The following TEK variants were observed in gnomAD, a reference collection of about 807,000 sequenced individuals.
TEK encodes the protein angiopoietin-1 receptor.
Under a neutral mutation model 131.8 loss-of-function variants are expected in TEK, and 43 were observed. The observed-to-expected ratio is 0.33, with a 90% CI of 0.26 to 0.42. TEK has a LOEUF of 0.42. Among genes scored for constraint, TEK ranks in the 10% least tolerant of loss-of-function variants. The probability of loss-of-function intolerance (pLI) is 1.00; values close to 1 mark genes in which losing one functional copy is unlikely to be tolerated. For synonymous variants in TEK, 580 were observed against 491.6 expected (o/e 1.18, Z -2.38); for missense variants, 1,162 against 1,384.4 (o/e 0.84, Z 2.55).
chr9:27,119,346 G>C (rs1821694017), intron 1 of TEK, among the ~76,000 whole-genome samples: 1 of 152,176 alleles, frequency 6.6e-6, no homozygotes, highest in African/African-American at 2.4e-5. Flanking sequence ...AAAATACTTA[G>C]AACAGTGCCG....
At chr9:27,136,932 T>G (rs1795863591) in intron 1 of TEK, among the ~76,000 whole-genome samples, 1 of 152,192 alleles carries the variant, frequency 6.6e-6, no homozygotes, top group Non-Finnish European at 1.5e-5. Flanking sequence ...TTTATTTATT[T>G]TTGAAATGGA....
intron 4 of TEK, among the ~76,000 whole-genome samples, chr9:27,170,758 T>G (rs76198925): frequency 1.5e-4 from 23 of 152,274 alleles, no homozygotes; most frequent in African/African-American, 5.3e-4. Context: ...AATGTTTCTT[T>G]CACTTCCAAA....
intron 1 of TEK, among the ~76,000 whole-genome samples, chr9:27,136,258 T>C (rs1822431065): frequency 6.6e-6 from 1 of 151,982 alleles, no homozygotes; most frequent in Non-Finnish European, 1.5e-5. Context: ...ATGTTTGTAT[T>C]TATAATAGAG....
intron 18 of TEK, among the ~76,000 whole-genome samples, chr9:27,213,894 T>C (rs1825722160): frequency 1.3e-5 from 2 of 152,192 alleles, no homozygotes; most frequent in East Asian, 3.9e-4. Context: ...GGCATCTCAC[T>C]CAGGAACCTC....
chr9:27,181,612 A>C (rs2131166453), intron 7 of TEK, among the ~76,000 whole-genome samples: 1 of 152,294 alleles, frequency 6.6e-6, no homozygotes, highest in South Asian at 2.1e-4. Flanking sequence ...TGTTATTATA[A>C]AGAAAAAAAT....
At chr9:27,169,790 G>C (rs1823880920) in intron 4 of TEK, among the ~76,000 whole-genome samples, 161 bp downstream of exon 4, 1 of 152,252 alleles carries the variant, frequency 6.6e-6, no homozygotes, top group Non-Finnish European at 1.5e-5. Context: ...AAATGAATAA[G>C]AGATAGCAAT....
At chr9:27,197,212 T>C in intron 11 of TEK, 103 bp from the exon 12 acceptor site, 1 of 1,325,144 alleles carries the variant, frequency 7.5e-7, no homozygotes, top group Non-Finnish European at 1.1e-6. Context: ...AGGCCCCACC[T>C]CCAACACTGG....
intron 2 of TEK, among the ~76,000 whole-genome samples, chr9:27,164,909 G>A (rs767896449): frequency 4.6e-5 from 7 of 152,118 alleles, no homozygotes; most frequent in South Asian, 2.1e-4. Context: ...GGTATTTATC[G>A]TTTTTATGGC....
chr9:27,223,796 G>A (rs1283744271), intron 21 of TEK, among the ~76,000 whole-genome samples: 3 of 152,068 alleles, frequency 2.0e-5, no homozygotes, highest in Non-Finnish European at 2.9e-5. Context: ...ACAGGGACAT[G>A]AAAAACCCTT....
At chr9:27,120,614 A>G (rs1821749769) in intron 1 of TEK, among the ~76,000 whole-genome samples, 1 of 152,272 alleles carries the variant, frequency 6.6e-6, no homozygotes, top group Non-Finnish European at 1.5e-5. Flanking sequence ...TTATGAAATG[A>G]GACTTAGAAC....
chr9:27,113,150 C>G (rs917130772), intron 1 of TEK, among the ~76,000 whole-genome samples: 2 of 152,220 alleles, frequency 1.3e-5, no homozygotes, highest in African/African-American at 4.8e-5. Context: ...CAAAGCCCAA[C>G]TTGGATAACC....
chr9:27,117,355 T>G (rs1222810094), intron 1 of TEK, among the ~76,000 whole-genome samples: 1 of 152,196 alleles, frequency 6.6e-6, no homozygotes, highest in African/African-American at 2.4e-5. Flanking sequence ...TGTCTAAAGT[T>G]GCCTCCCTTA....
intron 1 of TEK, among the ~76,000 whole-genome samples, chr9:27,130,800 T>C (rs1822182545): frequency 6.6e-6 from 1 of 151,930 alleles, no homozygotes; most frequent in African/African-American, 2.4e-5. Context: ...TGGTCTGACC[T>C]CGTGATTCAC....
At chr9:27,220,334 T>C (rs1826012286) in intron 21 of TEK, among the ~76,000 whole-genome samples, 189 bp downstream of exon 21, 1 of 152,136 alleles carries the variant, frequency 6.6e-6, no homozygotes. Flanking sequence ...AGTATTAGCT[T>C]TACAGGCATA....
chr9:27,217,681 T>G lies in TEK; in HGVS notation c.2992-7T>G. The G allele has an allele frequency of 6.2e-7, 1 of 1,613,544 alleles. No homozygotes were observed. The highest frequency in any genetic ancestry group is 8.5e-7 in the Non-Finnish European group (1 of 1,179,560). ...AGTTAAGTGAAATCTCACTTTGTTC[T>G]CTCCAGGGAAGGCTCCCAGTGCGCT... is the stretch of plus-strand genomic sequence containing the variant. On this transcript the variant is annotated splice_region_variant and splice_polypyrimidine_tract_variant and intron_variant, in intron 18 of 22. Transcript: ENST00000380036.
chr9:27,219,582 C>A (rs1825968784), intron 20 of TEK, among the ~76,000 whole-genome samples: 1 of 117,872 alleles, frequency 8.5e-6, no homozygotes, highest in South Asian at 3.0e-4. Flanking sequence ...TGCAGCAAAC[C>A]ACCCACCATG....
At chr9:27,115,914 A>G (rs1454845912) in intron 1 of TEK, among the ~76,000 whole-genome samples, 1 of 152,232 alleles carries the variant, frequency 6.6e-6, no homozygotes, top group East Asian at 1.9e-4. Flanking sequence ...CTCATTCTGT[A>G]CATGTTGAAA....
At chr9:27,122,580 T>C (rs1564038536) in intron 1 of TEK, among the ~76,000 whole-genome samples, 1 of 152,058 alleles carries the variant, frequency 6.6e-6, no homozygotes, top group Non-Finnish European at 1.5e-5. Context: ...GAGACACTTA[T>C]AAGAGCCTTT....
intron 18 of TEK, among the ~76,000 whole-genome samples, chr9:27,216,408 C>G (rs150602257): frequency 2.6e-5 from 4 of 152,044 alleles, no homozygotes; most frequent in African/African-American, 9.6e-5. Flanking sequence ...GCACAAGGAA[C>G]TTAACAATTA....
Sources: allele counts gnomAD v4.1 joint callset (sites outside exome capture counted in the v4.1 genomes callset), GRCh38; gene constraint gnomAD v4.1.1; transcripts MANE v1.5; gene names NCBI Gene and HGNC (gene_info 2026-07-23, HGNC 2026-07-21).